Variants in SUGCT observed in about 807,000 individuals in gnomAD.
The protein encoded by SUGCT is succinyl-CoA:glutarate CoA-transferase.
In SUGCT, 41 loss-of-function variants were observed where a neutral mutation model predicts 55.0. The observed-to-expected ratio is 0.74, with a 90% confidence interval of 0.58 to 0.97. The LOEUF is 0.97. Ranked by LOEUF, SUGCT falls within the 50% of genes least tolerant of loss-of-function variation. The pLI, the probability that SUGCT is intolerant of heterozygous loss-of-function variation, is 0.00. For missense variants in SUGCT, 568 were observed against 547.8 expected, an observed-to-expected ratio of 1.04 and a Z score of -0.37; for synonymous variants, 187 against 200.4, an observed-to-expected ratio of 0.93 and a Z score of 0.56.
chr7:40,927,788 T>A, the SUGCT span, among the ~76,000 whole-genome samples: 1 of 152,212 alleles, frequency 6.6e-6, no homozygotes, highest in African/African-American at 2.4e-5. Context: ...GTTTCCTGCA[T>A]ATCATTCAAA....
At chr7:40,854,458 TTCTTTCTTTCTTTCTTTC>T (rs1794055069) in intron 13 of SUGCT, among the ~76,000 whole-genome samples, 3 of 145,490 alleles carry the variant, frequency 2.1e-5, no homozygotes, top group East Asian at 2.1e-4. Flanking sequence ...CTTTCTTTCT[TTCTTTCTTTCTTTCTTTC>T]TCTTTCTCTC....
chr7:40,328,778 T>C (rs1796147996), intron 9 of SUGCT, among the ~76,000 whole-genome samples: 1 of 152,090 alleles, frequency 6.6e-6, no homozygotes, highest in Non-Finnish European at 1.5e-5. Context: ...TGTATGTGTA[T>C]GTGTTTTGGA....
chr7:40,812,629 T>C (rs1791482312), intron 13 of SUGCT, among the ~76,000 whole-genome samples: 1 of 152,126 alleles, frequency 6.6e-6, no homozygotes, highest in Non-Finnish European at 1.5e-5. Flanking sequence ...TTTGTTAATC[T>C]AGCTAGCAGT....
At chr7:40,705,697 G>T (rs1262541587) in intron 12 of SUGCT, among the ~76,000 whole-genome samples, 4 of 152,176 alleles carry the variant, frequency 2.6e-5, no homozygotes, top group Middle Eastern at 3.2e-3. Flanking sequence ...AAGCTATAGA[G>T]CTTGAAGCAA....
At chr7:40,446,818 CTT>C (rs1788863983) in intron 9 of SUGCT, among the ~76,000 whole-genome samples, 1 of 152,116 alleles carries the variant, frequency 6.6e-6, no homozygotes, top group African/African-American at 2.4e-5. Flanking sequence ...TATAAAATAA[CTT>C]TATGTTATGA....
the SUGCT span, among the ~76,000 whole-genome samples, chr7:40,889,592 T>C: frequency 6.6e-6 from 1 of 152,180 alleles, no homozygotes; most frequent in Non-Finnish European, 1.5e-5. Context: ...TGAGAGTAGA[T>C]TCTTATGCCC....
intron 12 of SUGCT, among the ~76,000 whole-genome samples, chr7:40,660,009 C>G (rs1801225691): frequency 6.6e-6 from 1 of 152,144 alleles, no homozygotes; most frequent in South Asian, 2.1e-4. Flanking sequence ...TCTCCAACTT[C>G]CATTATAAGA....
At chr7:40,438,568 C>T (rs1788299999) in intron 9 of SUGCT, among the ~76,000 whole-genome samples, 1 of 152,126 alleles carries the variant, frequency 6.6e-6, no homozygotes, top group African/African-American at 2.4e-5. Context: ...GTAATACAAT[C>T]TGGTCTCCTG....
intron 6 of SUGCT, among the ~76,000 whole-genome samples, chr7:40,221,489 T>A (rs924448133): frequency 6.6e-6 from 1 of 150,686 alleles, no homozygotes; most frequent in South Asian, 2.1e-4. Context: ...AAAGCTGTTA[T>A]TGGTCTTTTT....
At chr7:40,614,658 G>A (rs1407403836) in intron 12 of SUGCT, among the ~76,000 whole-genome samples, 1 of 152,138 alleles carries the variant, frequency 6.6e-6, no homozygotes, top group Admixed American at 6.5e-5. Context: ...TCAGAACTTA[G>A]GAAAGTGTTT....
At chr7:40,768,888 G>A (rs1181551919) in intron 13 of SUGCT, among the ~76,000 whole-genome samples, 1 of 152,216 alleles carries the variant, frequency 6.6e-6, no homozygotes, top group East Asian at 1.9e-4. Context: ...TGAGTGCCAC[G>A]TTGTTCTTTA....
the SUGCT span, among the ~76,000 whole-genome samples, chr7:41,024,726 T>A: frequency 2.1e-4 from 31 of 148,954 alleles, no homozygotes; most frequent in African/African-American, 7.4e-4. Context: ...GTTGAGGAAC[T>A]CTCAAATATT....
chr7:41,002,761 T>G, the SUGCT span, among the ~76,000 whole-genome samples: 1 of 152,224 alleles, frequency 6.6e-6, no homozygotes, highest in African/African-American at 2.4e-5. Flanking sequence ...AAGTCTTATT[T>G]GTTTCTTACA....
At chr7:40,562,958 A>C (rs1190546960) in intron 12 of SUGCT, among the ~76,000 whole-genome samples, 2 of 152,152 alleles carry the variant, frequency 1.3e-5, no homozygotes, top group Non-Finnish European at 2.9e-5. Flanking sequence ...TGATAGTTGA[A>C]ACATTTTATT....
chr7:40,457,491 A>G (rs1202779139), intron 10 of SUGCT, among the ~76,000 whole-genome samples: 1 of 152,122 alleles, frequency 6.6e-6, no homozygotes, highest in Non-Finnish European at 1.5e-5. Flanking sequence ...GGAATATTTC[A>G]CATTTATTTA....
intron 7 of SUGCT, among the ~76,000 whole-genome samples, chr7:40,255,901 C>G (rs999242228): frequency 2.6e-5 from 4 of 152,092 alleles, no homozygotes; most frequent in Non-Finnish European, 5.9e-5. Context: ...ATACCAGGTA[C>G]TATGAATGCT....
At position 40,659,614 on chromosome 7, in the gene SUGCT, C is replaced by T. The variant is rs572658677; in HGVS notation, c.1090-89820C>T. 3.9e-5 allele frequency among the ~76,000 whole-genome samples: 6 copies of T among 152,310 alleles called. No individual in the cohort carries two copies. The East Asian group carries it at 1.2e-3, about 29-fold the overall frequency. On this transcript the variant is annotated intron_variant, in intron 12 of 13. Coordinates refer to ENST00000335693, the MANE Select transcript of SUGCT (RefSeq NM_001193313.2). ...GGCTACACAGATATATGAATACCAA[C>T]AGGATTCTTGTGGGTCATATTGCAG...
the SUGCT span, among the ~76,000 whole-genome samples, chr7:40,898,511 C>T: frequency 2.4e-4 from 28 of 117,600 alleles, no homozygotes; most frequent in East Asian, 7.9e-3. Context: ...ATCACGAGGT[C>T]AGGAGATCGA....
chr7:40,373,721 T>A (rs1784410913), intron 9 of SUGCT, among the ~76,000 whole-genome samples: 1 of 152,140 alleles, frequency 6.6e-6, no homozygotes, highest in Non-Finnish European at 1.5e-5. Flanking sequence ...TATGTATGAT[T>A]GACTAATTAT....
Sources: allele counts gnomAD v4.1 joint callset (sites outside exome capture counted in the v4.1 genomes callset), GRCh38; gene constraint gnomAD v4.1.1; transcripts MANE v1.5; gene names NCBI Gene and HGNC (gene_info 2026-07-23, HGNC 2026-07-21).